PRIM2: variants seen among roughly 807,000 people sequenced by gnomAD.
PRIM2 encodes DNA primase large subunit.
In PRIM2, 39 loss-of-function variants were observed where a neutral mutation model predicts 67.3. The ratio of observed to expected loss-of-function variants is 0.58; its 90% confidence interval spans 0.45 to 0.76. PRIM2 has a LOEUF of 0.76. Among genes scored for constraint, PRIM2 ranks in the 30% least tolerant of loss-of-function variants. The pLI, the probability that PRIM2 is intolerant of heterozygous loss-of-function variation, is 0.00. For synonymous variants in PRIM2, 143 were observed against 198.7 expected (o/e 0.72, Z 2.36); for missense variants, 398 against 598.7 (o/e 0.66, Z 3.50).
At chr6:57,364,242 G>A (rs373051556) in intron 5 of PRIM2, among the ~76,000 whole-genome samples, 5,103 of 152,032 alleles carry the variant, frequency 0.034, 290 homozygotes, top group African/African-American at 0.11. Context: ...GTTTGTGATT[G>A]TCTTTCACCC....
intron 7 of PRIM2, among the ~76,000 whole-genome samples, chr6:57,405,903 G>GTAC (rs1314368366): frequency 3.0e-4 from 45 of 152,302 alleles, no homozygotes; most frequent in Admixed American, 1.3e-3. Context: ...TTCATCATCA[G>GTAC]TACCACCATC....
intron 7 of PRIM2, among the ~76,000 whole-genome samples, chr6:57,402,663 A>T (rs1345690364): frequency 6.6e-6 from 1 of 152,202 alleles, no homozygotes; most frequent in Non-Finnish European, 1.5e-5. Context: ...GTATGGTTTA[A>T]TGTCTATGAA....
rs77737221 is a variant in PRIM2 at position 57,346,255 on chromosome 6, C to G, written c.459+20210C>G. Among the ~76,000 whole-genome samples the G allele has an allele frequency of 7.9e-3, 1,195 of 152,150 alleles. 8 individuals are homozygous for G. Among genetic ancestry groups the G allele is most frequent in the African/African-American group, 0.027 (1,126 of 41,512 alleles). ...GGAGTTGCTCTCGCTCTACTAGAGT[C>G]TTTTGGCAGTGTTACTCATGGTTTC... On this transcript the variant is annotated intron_variant, in intron 5 of 13. Coordinates refer to ENST00000615550, the MANE Select transcript of PRIM2 (RefSeq NM_000947.5).
the PRIM2 span, among the ~76,000 whole-genome samples, chr6:57,308,249 A>G: frequency 6.6e-6 from 1 of 151,748 alleles, no homozygotes; most frequent in Non-Finnish European, 1.5e-5. Context: ...CAGCCCCCAG[A>G]GTAGCTGGGA....
chr6:57,601,292 T>C lies in PRIM2; in HGVS notation c.1147+73T>C, dbSNP rs1165368437. 8 of 1,444,492 alleles carry C rather than the reference T, an allele frequency of 5.5e-6. No homozygotes were observed. The African/African-American group carries it at 1.0e-4, about 18-fold the overall frequency. The allele number at this position is 1,444,492 out of a possible 1,614,324, so 89.5% of individuals were successfully genotyped here. On this transcript the variant is annotated intron_variant, in intron 11 of 13. Transcript: ENST00000615550. ...CTCTGTTGGAAACACTGAAACAATG[T>C]TGTGGCTTTTTGCATTCCTGTCAGG...
the PRIM2 span, among the ~76,000 whole-genome samples, chr6:57,300,476 T>A: frequency 1.3e-5 from 2 of 152,248 alleles, no homozygotes; most frequent in Admixed American, 1.3e-4. Flanking sequence ...TGTGCACGCA[T>A]GTGTACATGT....
chr6:57,537,650 G>C, intron 10 of PRIM2, 25 bp downstream of exon 10: 1 of 1,338,808 alleles, frequency 7.5e-7, no homozygotes, highest in Admixed American at 2.6e-5. Context: ...AAATATCAGA[G>C]TGGTACCTGA....
Position 57,463,342 on chromosome 6 carries a change from A to G in PRIM2, c.694-44045A>G, listed in dbSNP as rs1218145796. ...CCCCCGTCTCTACAAAAAATAAAAA[A>G]TTAGCCAGGTGTGGTGGCCTGCAGC... On this transcript the variant is annotated intron_variant, in intron 7 of 13. Transcript: ENST00000615550. Among the ~76,000 whole-genome samples, 192 of 152,318 alleles carry G rather than the reference A, an allele frequency of 1.3e-3. 5 individuals are homozygous for G. The East Asian group carries it at 0.016, about 13-fold the overall frequency.
chr6:57,330,384 T>TTTTTTTTTTTTTTTTTG (rs1562696759), intron 5 of PRIM2, among the ~76,000 whole-genome samples: 16 of 35,140 alleles, frequency 4.6e-4, no homozygotes, highest in African/African-American at 1.9e-3. Flanking sequence ...TGTTTTTTTG[T>TTTTTTTTTTTTTTTTTG]TTTTTTTTTT....
intron 12 of PRIM2, among the ~76,000 whole-genome samples, chr6:57,623,686 C>T (rs1195413471): frequency 5.9e-5 from 9 of 151,958 alleles, no homozygotes; most frequent in Non-Finnish European, 1.0e-4. Flanking sequence ...CCAGAGGCAC[C>T]GGCTTCTTTT....
At chr6:57,539,566 T>TTGTG (rs1175516387) in intron 10 of PRIM2, among the ~76,000 whole-genome samples, 4,383 of 147,422 alleles carry the variant, frequency 0.03, 127 homozygotes, top group African/African-American at 0.067. Flanking sequence ...ATTATATTCT[T>TTGTG]TGTGTGTGTG....
At chr6:57,296,544 G>C in the PRIM2 span, among the ~76,000 whole-genome samples, 1 of 152,052 alleles carries the variant, frequency 6.6e-6, no homozygotes, top group Non-Finnish European at 1.5e-5. Flanking sequence ...TGTATATATA[G>C]AGAGGGTGGT....
intron 7 of PRIM2, among the ~76,000 whole-genome samples, chr6:57,423,625 C>T (rs934491683): frequency 2.0e-5 from 3 of 152,156 alleles, no homozygotes; most frequent in Non-Finnish European, 4.4e-5. Flanking sequence ...GAGACTAAGA[C>T]GTGGTCATTG....
intron 7 of PRIM2, among the ~76,000 whole-genome samples, chr6:57,465,184 A>G (rs1486011232): frequency 1.3e-5 from 2 of 152,164 alleles, no homozygotes; most frequent in Non-Finnish European, 2.9e-5. Context: ...TATGTGTGGA[A>G]ATCCCTTCTC....
intron 7 of PRIM2, among the ~76,000 whole-genome samples, chr6:57,439,505 T>C (rs577274088): frequency 3.4e-5 from 5 of 147,468 alleles, no homozygotes; most frequent in Admixed American, 2.1e-4. Context: ...AAACTTTGCC[T>C]TCTGGGTTCT....
chr6:57,604,332 G>C (rs1250342495), intron 11 of PRIM2, among the ~76,000 whole-genome samples: 3 of 152,158 alleles, frequency 2.0e-5, no homozygotes, highest in Non-Finnish European at 4.4e-5. Context: ...CTGAAACTTT[G>C]CTGAAGTCAT....
intron 10 of PRIM2, among the ~76,000 whole-genome samples, chr6:57,537,869 C>T (rs1161580197): frequency 2.0e-5 from 3 of 152,022 alleles, no homozygotes; most frequent in Non-Finnish European, 2.9e-5. Flanking sequence ...ACTGAAATTG[C>T]TTTCAGAGTT....
At chr6:57,301,947 T>C in the PRIM2 span, among the ~76,000 whole-genome samples, 1 of 152,248 alleles carries the variant, frequency 6.6e-6, no homozygotes, top group Non-Finnish European at 1.5e-5. Flanking sequence ...GGTTCTGCTT[T>C]TCTTTGCTTT....
chr6:57,222,361 C>G, the PRIM2 span: 1 of 152,374 alleles, frequency 6.6e-6, no homozygotes, highest in Admixed American at 6.5e-5. Flanking sequence ...CTGCCCCGCC[C>G]CTGTTCTGGC....
Sources: gnomAD v4.1 joint callset for allele counts (sites outside exome capture counted in the v4.1 genomes callset) on GRCh38, gnomAD v4.1.1 for gene constraint, MANE v1.5 for transcripts, NCBI Gene and HGNC (gene_info 2026-07-23, HGNC 2026-07-21) for gene names.